The following PCDH15 variants were observed in gnomAD, a reference collection of about 807,000 sequenced individuals.
The protein encoded by PCDH15 is protocadherin-15.
Under a neutral mutation model 178.5 loss-of-function variants are expected in PCDH15, and 129 were observed. The observed-to-expected ratio is 0.72, with a 90% confidence interval of 0.63 to 0.84. PCDH15 has a LOEUF of 0.84. Ranked by LOEUF, PCDH15 falls within the 40% of genes least tolerant of loss-of-function variation. The pLI, the probability that PCDH15 is intolerant of heterozygous loss-of-function variation, is 0.00. For synonymous variants in PCDH15, 800 were observed against 732.0 expected, an observed-to-expected ratio of 1.09 and a Z score of -1.50; for missense variants, 2,230 against 2,099.9, an observed-to-expected ratio of 1.06 and a Z score of -1.21.
intron 1 of PCDH15, among the ~76,000 whole-genome samples, chr10:55,221,606 A>T (rs1291733953): frequency 6.6e-6 from 1 of 152,036 alleles, no homozygotes; most frequent in East Asian, 1.9e-4. Flanking sequence ...CTCTCATAAG[A>T]TACATTCATT....
chr10:53,865,089 A>G (rs749817710), intron 27 of PCDH15, among the ~76,000 whole-genome samples: 3 of 152,112 alleles, frequency 2.0e-5, no homozygotes, highest in Non-Finnish European at 4.4e-5. Context: ...TGATAGAACC[A>G]GACCTTGTTT....
chr10:53,807,265 A>G, intron 37 of PCDH15, 135 bp from the exon 38 acceptor site: 3 of 682,930 alleles, frequency 4.4e-6, no homozygotes, highest in Non-Finnish European at 7.1e-6. Flanking sequence ...GATAGAAGGA[A>G]GCCAGTCTTT....
intron 15 of PCDH15, among the ~76,000 whole-genome samples, chr10:54,091,355 G>A (rs544359374): frequency 6.6e-6 from 1 of 152,232 alleles, no homozygotes; most frequent in African/African-American, 2.4e-5. Flanking sequence ...AGGATTCTGA[G>A]AGAGGAATAA....
chr10:55,389,210 G>A (rs546857716), intron 2 of PCDH15, among the ~76,000 whole-genome samples: 1 of 152,154 alleles, frequency 6.6e-6, no homozygotes, highest in East Asian at 1.9e-4. Flanking sequence ...TCGAAGAAAT[G>A]TCAGCATGCT....
chr10:55,618,847 ATTGT>A (rs1158102756), intron 2 of PCDH15, among the ~76,000 whole-genome samples: 1 of 152,018 alleles, frequency 6.6e-6, no homozygotes, highest in African/African-American at 2.4e-5. Context: ...CATAAAGAAA[ATTGT>A]TTGTCCTACA....
intron 2 of PCDH15, among the ~76,000 whole-genome samples, chr10:54,557,509 T>A (rs1432012392): frequency 6.6e-6 from 1 of 152,170 alleles, no homozygotes; most frequent in African/African-American, 2.4e-5. Flanking sequence ...ACATTACTCA[T>A]GTCTAATTCT....
In PCDH15 at chr10:55,569,031, A is replaced by G. The variant is rs182492544; in HGVS notation, c.-156+58594T>C. On this transcript the variant is annotated intron_variant, in intron 2 of 5. Transcript: ENST00000613346. ...GAAAGCACTCCCTAATGCTGGGACA[A>G]CATGTCCTCCTTTGAAGAGGCAATA... is the stretch of plus-strand genomic sequence containing the variant. Among the ~76,000 whole-genome samples the G allele has an allele frequency of 1.7e-3, 253 of 152,110 alleles. 3 individuals are homozygous for G. Among genetic ancestry groups the G allele is most frequent in the Non-Finnish European group, 5.6e-4 (38 of 67,970 alleles).
At chr10:54,905,523 C>G (rs983344034) in intron 2 of PCDH15, among the ~76,000 whole-genome samples, 2 of 152,058 alleles carry the variant, frequency 1.3e-5, no homozygotes, top group African/African-American at 4.8e-5. Context: ...ATTATTTGAT[C>G]TCTTTATCAC....
At chr10:54,896,893 G>A (rs1954555653) in intron 3 of PCDH15, among the ~76,000 whole-genome samples, 1 of 151,984 alleles carries the variant, frequency 6.6e-6, no homozygotes, top group Non-Finnish European at 1.5e-5. Context: ...TTTAATATTA[G>A]GTGCTTTTAT....
At chr10:54,382,977 C>T (rs1277720339) in intron 3 of PCDH15, among the ~76,000 whole-genome samples, 4 of 152,022 alleles carry the variant, frequency 2.6e-5, no homozygotes, top group East Asian at 1.9e-4. Flanking sequence ...TAAGCAAGTT[C>T]CCAAGATTTT....
intron 26 of PCDH15, among the ~76,000 whole-genome samples, chr10:53,884,696 A>C (rs973724406): frequency 1.8e-4 from 28 of 152,118 alleles, no homozygotes; most frequent in African/African-American, 6.5e-4. Context: ...TTATCTCTAC[A>C]CCTCTTTTTC....
At chr10:54,083,264 A>G (rs747016384) in intron 16 of PCDH15, among the ~76,000 whole-genome samples, 8 of 152,344 alleles carry the variant, frequency 5.3e-5, no homozygotes, top group Non-Finnish European at 1.0e-4. Context: ...ACTATTCCCT[A>G]GCAAATCTAT....
intron 14 of PCDH15, among the ~76,000 whole-genome samples, chr10:54,138,095 C>G (rs776121955): frequency 2.0e-5 from 3 of 151,994 alleles, no homozygotes; most frequent in Admixed American, 1.3e-4. Context: ...CAGCATGATC[C>G]CCTCCTCTCA....
At chr10:55,609,089 T>C (rs2132157481) in intron 2 of PCDH15, among the ~76,000 whole-genome samples, 1 of 152,080 alleles carries the variant, frequency 6.6e-6, no homozygotes, top group East Asian at 1.9e-4. Context: ...TTCTTTTTTT[T>C]TCTGGACTTG....
intron 2 of PCDH15, among the ~76,000 whole-genome samples, chr10:55,525,101 A>G (rs1200537462): frequency 2.6e-5 from 4 of 151,828 alleles, no homozygotes; most frequent in Non-Finnish European, 5.9e-5. Context: ...TTCACCCAGA[A>G]AAGAATGCAT....
intron 2 of PCDH15, among the ~76,000 whole-genome samples, chr10:54,934,900 T>C (rs1837867434): frequency 6.6e-6 from 1 of 151,750 alleles, no homozygotes; most frequent in Non-Finnish European, 1.5e-5. Context: ...TATGCAGCCA[T>C]AAAAAAGGAT....
chr10:53,877,915 C>A (rs1311690479), intron 26 of PCDH15, among the ~76,000 whole-genome samples: 1 of 152,050 alleles, frequency 6.6e-6, no homozygotes, highest in South Asian at 2.1e-4. Flanking sequence ...TTAACTCTAG[C>A]GATAGCTTAA....
At chr10:54,412,754 G>A (rs192199254) in intron 3 of PCDH15, among the ~76,000 whole-genome samples, 7 of 152,190 alleles carry the variant, frequency 4.6e-5, no homozygotes, top group Admixed American at 2.6e-4. Context: ...ACAGAGTCTC[G>A]CTCTGTAGCC....
intron 2 of PCDH15, among the ~76,000 whole-genome samples, chr10:55,389,649 A>G (rs892845965): frequency 2.6e-5 from 4 of 152,088 alleles, no homozygotes; most frequent in Non-Finnish European, 4.4e-5. Context: ...GCATCCCGGG[A>G]AGCTGCCTTG....
Sources: allele counts gnomAD v4.1 joint callset (sites outside exome capture counted in the v4.1 genomes callset), GRCh38; gene constraint gnomAD v4.1.1; transcripts MANE v1.5; gene names NCBI Gene and HGNC (gene_info 2026-07-23, HGNC 2026-07-21).